DPP6: variants seen among roughly 807,000 people sequenced by gnomAD.
DPP6 encodes A-type potassium channel modulatory protein DPP6.
In DPP6, 69 loss-of-function variants were observed where a neutral mutation model predicts 122.6. That is an observed-to-expected ratio of 0.56 (90% CI 0.46 to 0.69). DPP6 has a LOEUF of 0.69. Ranked by LOEUF, DPP6 falls within the 30% of genes least tolerant of loss-of-function variation. DPP6 has a pLI of 0.00. For missense variants in DPP6, 928 were observed against 1,116.9 expected, an observed-to-expected ratio of 0.83 and a Z score of 2.41; for synonymous variants, 418 against 433.1, an observed-to-expected ratio of 0.97 and a Z score of 0.43.
At chr7:154,279,704 T>C (rs899315401) in intron 1 of DPP6, among the ~76,000 whole-genome samples, 2 of 152,250 alleles carry the variant, frequency 1.3e-5, no homozygotes, top group African/African-American at 2.4e-5. Context: ...AGGTGCTGAA[T>C]GGAAACCTAA....
chr7:154,818,888 A>T (rs187796217), intron 16 of DPP6, among the ~76,000 whole-genome samples: 1 of 152,176 alleles, frequency 6.6e-6, no homozygotes, highest in Non-Finnish European at 1.5e-5. Context: ...TGACATGAAT[A>T]CTCTGGAACA....
chr7:154,537,768 G>GGGAGA (rs139040024), intron 3 of DPP6, among the ~76,000 whole-genome samples: 17 of 151,422 alleles, frequency 1.1e-4, no homozygotes, highest in Middle Eastern at 6.8e-3. Context: ...AGGAGGGGAG[G>GGGAGA]GGAGAGGAGA....
chr7:154,575,369 GTGTGTA>G (rs1831532403), intron 5 of DPP6, among the ~76,000 whole-genome samples: 152 of 121,620 alleles, frequency 1.2e-3, no homozygotes, highest in Admixed American at 2.8e-3. Context: ...TGTGTGATGT[GTGTGTA>G]TGTGTGTGAT....
intron 1 of DPP6, among the ~76,000 whole-genome samples, chr7:153,928,395 C>CTTTTTTTTT (rs1467865041): frequency 4.7e-4 from 14 of 29,992 alleles, no homozygotes; most frequent in South Asian, 9.4e-4. Context: ...TCTTTTCTTT[C>CTTTTTTTTT]ATTTTTTTTT....
intron 1 of DPP6, among the ~76,000 whole-genome samples, chr7:154,203,041 T>G (rs1296773641): frequency 6.6e-6 from 1 of 152,178 alleles, no homozygotes; most frequent in African/African-American, 2.4e-5. Flanking sequence ...AGTTCTGATT[T>G]TGCCGCTTAC....
Position 154,282,632 on chromosome 7 carries a change from T to A in DPP6, c.244-163582T>A, listed in dbSNP as rs1804596586. ...AGGAGCTGTCTCCTTTGAGTTGCTA[T>A]CAAATCGCATATGTTGCATGCTTAC... On this transcript the variant is annotated intron_variant, in intron 1 of 25. Transcript: ENST00000377770. The surrounding 1 kb of genome is among the most constrained non-coding windows in gnomAD (Gnocchi z 4.8). Among the ~76,000 whole-genome samples the A allele has an allele frequency of 6.6e-6, 1 of 152,162 alleles. No homozygotes were observed. Among genetic ancestry groups the A allele is most frequent in the Admixed American group, 6.5e-5 (1 of 15,284 alleles).
At chr7:154,045,299 A>G (rs541907341) in intron 1 of DPP6, among the ~76,000 whole-genome samples, 4 of 152,234 alleles carry the variant, frequency 2.6e-5, no homozygotes, top group Admixed American at 2.6e-4. Flanking sequence ...CAATCCTTTA[A>G]ATGTATAAGC....
intron 1 of DPP6, among the ~76,000 whole-genome samples, chr7:154,147,141 A>G (rs1796132889): frequency 6.6e-6 from 1 of 152,098 alleles, no homozygotes; most frequent in Non-Finnish European, 1.5e-5. Context: ...TCCTCATGAA[A>G]TCTTGGCTTT....
intron 10 of DPP6, among the ~76,000 whole-genome samples, chr7:154,775,307 G>T (rs1168927244): frequency 5.9e-5 from 9 of 152,150 alleles, no homozygotes; most frequent in African/African-American, 2.2e-4. Flanking sequence ...AAAGTTAGAT[G>T]AGATAAGGCA....
At position 154,854,903 on chromosome 7, in the gene DPP6, A is replaced by C. The variant is rs1802702244; in HGVS notation, c.1714+1076A>C. Among the ~76,000 whole-genome samples the C allele has an allele frequency of 2.0e-5, 3 of 152,176 alleles. 1 individual carries two copies. Among genetic ancestry groups the C allele is most frequent in the Admixed American group, 2.0e-4 (3 of 15,288 alleles). On this transcript the variant is annotated intron_variant, in intron 17 of 25. Transcript: ENST00000377770. Reference sequence around the variant, plus strand: ...AGCAGCCTGTGTCCTCCTTCCCCCGAATCCTTCCCACTCCCTTCCACATTC... The same window carrying C: ...AGCAGCCTGTGTCCTCCTTCCCCCGCATCCTTCCCACTCCCTTCCACATTC...
At chr7:153,774,589 A>T in the DPP6 span, among the ~76,000 whole-genome samples, 1 of 152,202 alleles carries the variant, frequency 6.6e-6, no homozygotes, top group Non-Finnish European at 1.5e-5. Flanking sequence ...TCAATTAAAT[A>T]CATTGAAGGA....
chr7:153,775,486 C>T, the DPP6 span, among the ~76,000 whole-genome samples: 1 of 151,638 alleles, frequency 6.6e-6, no homozygotes, highest in East Asian at 1.9e-4. Context: ...AGATCCACTC[C>T]TGTTTAGCAT....
intron 3 of DPP6, among the ~76,000 whole-genome samples, chr7:154,511,487 A>G (rs571025001): frequency 5.3e-5 from 8 of 152,330 alleles, no homozygotes; most frequent in African/African-American, 1.9e-4. Flanking sequence ...TAGTAGTAAC[A>G]CTTTATTCCT....
At chr7:153,960,702 T>C (rs1382478655) in intron 1 of DPP6, among the ~76,000 whole-genome samples, 2 of 124,826 alleles carry the variant, frequency 1.6e-5, no homozygotes, top group African/African-American at 6.2e-5. Context: ...CATGTGTGTG[T>C]GAATGTGTGT....
At chr7:154,130,736 G>C (rs1368931180) in intron 1 of DPP6, among the ~76,000 whole-genome samples, 1 of 151,964 alleles carries the variant, frequency 6.6e-6, no homozygotes, top group Non-Finnish European at 1.5e-5. Context: ...TGTTTCTCCA[G>C]TGCAGTCAAC....
At chr7:153,824,168 C>T in the DPP6 span, among the ~76,000 whole-genome samples, 1 of 152,118 alleles carries the variant, frequency 6.6e-6, no homozygotes, top group Non-Finnish European at 1.5e-5. Flanking sequence ...GCGGGTGGAT[C>T]ACTTGAGGAC....
chr7:154,716,749 A>T (rs1413079805), intron 7 of DPP6, among the ~76,000 whole-genome samples: 1 of 144,482 alleles, frequency 6.9e-6, no homozygotes, highest in African/African-American at 2.5e-5. Flanking sequence ...TGCCATTTTT[A>T]AAATTTTATT....
chr7:154,842,149 C>T (rs1230077135), intron 16 of DPP6, among the ~76,000 whole-genome samples: 1 of 152,178 alleles, frequency 6.6e-6, no homozygotes, highest in Non-Finnish European at 1.5e-5. Flanking sequence ...CGGGCCATGC[C>T]AATTATCTCG....
At chr7:153,977,011 A>G (rs1796339315) in intron 1 of DPP6, among the ~76,000 whole-genome samples, 1 of 152,192 alleles carries the variant, frequency 6.6e-6, no homozygotes, top group Non-Finnish European at 1.5e-5. Flanking sequence ...CGGTAGCCCC[A>G]CTTTTCATTC....
Sources: gnomAD v4.1 joint callset for allele counts (sites outside exome capture counted in the v4.1 genomes callset) on GRCh38, gnomAD v4.1.1 for gene constraint, Gnocchi (gnomAD v3.1) non-coding constraint, MANE v1.5 for transcripts, NCBI Gene and HGNC (gene_info 2026-07-23, HGNC 2026-07-21) for gene names.